The following AGBL1 variants were observed in gnomAD, a reference collection of about 807,000 sequenced individuals.
The protein encoded by AGBL1 is AGBL carboxypeptidase 1.
Under a neutral mutation model 118.9 loss-of-function variants are expected in AGBL1, and 130 were observed. The observed-to-expected ratio is 1.09, with a 90% CI of 0.95 to 1.26. The LOEUF is 1.26. Ranked by LOEUF, AGBL1 falls within the 50% of genes most tolerant of loss-of-function variation. The pLI, the probability that AGBL1 is intolerant of heterozygous loss-of-function variation, is 0.00. For synonymous variants in AGBL1, 555 were observed against 478.9 expected (o/e 1.16, Z -2.08); for missense variants, 1,584 against 1,298.1 (o/e 1.22, Z -3.38).
At chr15:86,829,989 T>C (rs2079081766) in intron 22 of AGBL1, among the ~76,000 whole-genome samples, 2 of 152,114 alleles carry the variant, frequency 1.3e-5, no homozygotes, top group Admixed American at 6.5e-5. Flanking sequence ...GGTATTTAGT[T>C]CTCATTCTAC....
chr15:86,713,853 A>T (rs2086598250), intron 22 of AGBL1, among the ~76,000 whole-genome samples: 1 of 152,192 alleles, frequency 6.6e-6, no homozygotes, highest in Non-Finnish European at 1.5e-5. Context: ...AAAGAGCTGT[A>T]ACGTAGACTT....
intron 19 of AGBL1, among the ~76,000 whole-genome samples, chr15:86,545,443 G>T (rs745521082): frequency 1.3e-5 from 2 of 151,942 alleles, no homozygotes; most frequent in Non-Finnish European, 2.9e-5. Context: ...GTACAGATTT[G>T]TTGCACAGGT....
chr15:86,460,599 G>C (rs1467209889), intron 18 of AGBL1, among the ~76,000 whole-genome samples: 1 of 152,186 alleles, frequency 6.6e-6, no homozygotes, highest in Non-Finnish European at 1.5e-5. Context: ...CCTGGAGACA[G>C]GGATTCAGAG....
At chr15:86,557,032 G>A (rs988271817) in intron 21 of AGBL1, among the ~76,000 whole-genome samples, 15 of 152,184 alleles carry the variant, frequency 9.9e-5, no homozygotes, top group South Asian at 4.2e-4. Flanking sequence ...TTATTAATAC[G>A]ATATTTCCTC....
chr15:86,601,143 T>A (rs2084486860), intron 21 of AGBL1, among the ~76,000 whole-genome samples: 1 of 152,152 alleles, frequency 6.6e-6, no homozygotes. Flanking sequence ...GAGTTGTTTG[T>A]TGTCAAGGAA....
intron 19 of AGBL1, among the ~76,000 whole-genome samples, chr15:86,528,233 G>A (rs548522012): frequency 7.2e-5 from 11 of 152,280 alleles, no homozygotes; most frequent in South Asian, 2.1e-4. Flanking sequence ...GACAGTGGGC[G>A]CAGGCCAGTG....
In AGBL1 at chr15:86,799,720, A is replaced by G. The variant is rs141385042; in HGVS notation, c.3159-107367A>G. ...GACAAAAAAAAGAAAACCCCCTTACATCTTCATTTGACTCCACAAGCCATT... is the reference window on the plus strand; with the variant it reads ...GACAAAAAAAAGAAAACCCCCTTACGTCTTCATTTGACTCCACAAGCCATT... On this transcript the variant is annotated intron_variant, in intron 22 of 22. Coordinates refer to ENST00000614907, the MANE Select transcript of AGBL1 (RefSeq NM_001386094.1). 1.8e-3 allele frequency among the ~76,000 whole-genome samples: 271 copies of G among 152,246 alleles called. 3 individuals are homozygous for G. The highest frequency in any genetic ancestry group is 0.017 in the Admixed American group (257 of 15,268).
intron 18 of AGBL1, among the ~76,000 whole-genome samples, chr15:86,516,747 G>C (rs2083126048): frequency 6.7e-6 from 1 of 150,228 alleles, no homozygotes; most frequent in Admixed American, 6.6e-5. Flanking sequence ...GTTGCAGTGA[G>C]CCGGGATGGT....
chr15:86,172,916 A>G (rs1050954973), intron 5 of AGBL1, among the ~76,000 whole-genome samples: 1 of 152,084 alleles, frequency 6.6e-6, no homozygotes, highest in African/African-American at 2.4e-5. Context: ...TTTTTTTTCA[A>G]AACCTGCATA....
intron 18 of AGBL1, among the ~76,000 whole-genome samples, chr15:86,477,676 C>G (rs1476619984): frequency 6.6e-6 from 1 of 152,180 alleles, no homozygotes; most frequent in Non-Finnish European, 1.5e-5. Flanking sequence ...GGTAACATTC[C>G]TTCTGAAACT....
chr15:86,842,879 T>C (rs1197457651), intron 22 of AGBL1, among the ~76,000 whole-genome samples: 1 of 152,070 alleles, frequency 6.6e-6, no homozygotes, highest in East Asian at 1.9e-4. Context: ...TTCCTAATTG[T>C]CTTTAGCGGG....
At chr15:87,018,562 G>A (rs2081630836) in intron 24 of AGBL1, among the ~76,000 whole-genome samples, 1 of 152,112 alleles carries the variant, frequency 6.6e-6, no homozygotes, top group Non-Finnish European at 1.5e-5. Context: ...AGCAAATGCT[G>A]GAGGAATTCA....
chr15:87,013,361 G>A (rs182082422), intron 24 of AGBL1, among the ~76,000 whole-genome samples: 1 of 152,032 alleles, frequency 6.6e-6, no homozygotes, highest in Non-Finnish European at 1.5e-5. Context: ...CCCAAGTCTG[G>A]GGCTTTAAGG....
intron 22 of AGBL1, among the ~76,000 whole-genome samples, chr15:86,704,746 C>A (rs1190336913): frequency 1.3e-5 from 2 of 152,050 alleles, no homozygotes; most frequent in African/African-American, 4.8e-5. Context: ...GTTCTAGAAC[C>A]AGAAATACCA....
At chr15:86,266,854 T>C in intron 12 of AGBL1, 136 bp from the exon 13 acceptor site, 1 of 761,620 alleles carries the variant, frequency 1.3e-6, no homozygotes, top group Non-Finnish European at 2.1e-6. Context: ...TGAGCTGACA[T>C]CCCGCCCTGC....
chr15:86,500,523 A>C (rs1216831030), intron 18 of AGBL1, among the ~76,000 whole-genome samples: 1 of 46 alleles, frequency 0.022, no homozygotes, highest in Non-Finnish European at 0.062. Flanking sequence ...TATAATTCAT[A>C]TACCATTGCT....
At chr15:86,160,468 A>G (rs547242904) in intron 5 of AGBL1, among the ~76,000 whole-genome samples, 2 of 152,246 alleles carry the variant, frequency 1.3e-5, no homozygotes, top group East Asian at 1.9e-4. Context: ...CTAAGAAGCC[A>G]TGGTAGTGCT....
At position 86,340,359 on chromosome 15, in the gene AGBL1, G is replaced by T. The variant is rs75141446; in HGVS notation, c.2374+44951G>T. 2.6e-5 allele frequency among the ~76,000 whole-genome samples: 4 copies of T among 151,940 alleles called. No individual in the cohort carries two copies. The East Asian group carries it at 7.8e-4, about 30-fold the overall frequency. On this transcript the variant is annotated intron_variant, in intron 17 of 22. Transcript: ENST00000614907. ...GATCTTATTTGAAAATAGGGGCTTT[G>T]CAGATGAAATTAATTAAGGGTCTTG...
intron 21 of AGBL1, among the ~76,000 whole-genome samples, chr15:86,627,520 T>C (rs920954022): frequency 2.0e-5 from 3 of 152,140 alleles, no homozygotes; most frequent in Non-Finnish European, 4.4e-5. Context: ...AAACAGATGG[T>C]GGAGTTTTTA....
Sources: gnomAD v4.1 joint callset for allele counts (sites outside exome capture counted in the v4.1 genomes callset) on GRCh38, gnomAD v4.1.1 for gene constraint, MANE v1.5 for transcripts, NCBI Gene and HGNC (gene_info 2026-07-23, HGNC 2026-07-21) for gene names.